Variants in COL25A1 observed in about 807,000 individuals in gnomAD.
COL25A1 encodes collagen type XXV alpha 1 chain.
A neutral mutation model predicts 128.4 loss-of-function variants in COL25A1; 103 were observed. The ratio of observed to expected loss-of-function variants is 0.80; its 90% CI spans 0.68 to 0.94. The LOEUF (loss-of-function observed/expected upper bound fraction) is 0.94, where lower values mean the gene tolerates loss of function less well. COL25A1 is among the 40% of genes least tolerant of loss of function. The pLI is 0.00. For synonymous variants in COL25A1, 279 were observed against 277.2 expected (o/e 1.01, Z -0.06); for missense variants, 745 against 840.0 (o/e 0.89, Z 1.40).
intron 5 of COL25A1, among the ~76,000 whole-genome samples, chr4:109,011,958 A>C (rs1045199221): frequency 1.3e-5 from 2 of 152,262 alleles, no homozygotes; most frequent in African/African-American, 2.4e-5. Context: ...TGAGGGTAAT[A>C]GCTCTAAAAT....
chr4:108,873,767 G>A lies in COL25A1; in HGVS notation c.1021-4617C>T, dbSNP rs372354018. On this transcript the variant is annotated intron_variant, in intron 19 of 37. Transcript: ENST00000399132. ...TATGAGACAATATCCATCTGCCAGA[G>A]CAGTTGAGATTGCAAAACCAAAAGA... Among the ~76,000 whole-genome samples the A allele has an allele frequency of 2.6e-4, 39 of 152,264 alleles. No individual in the cohort carries two copies. The South Asian group carries it at 7.9e-3, about 31-fold the overall frequency.
chr4:108,909,474 A>G (rs1038477324), intron 13 of COL25A1, among the ~76,000 whole-genome samples: 18 of 152,164 alleles, frequency 1.2e-4, no homozygotes, highest in African/African-American at 4.3e-4. Context: ...AAAATTACAC[A>G]TGTCTAAAAA....
intron 3 of COL25A1, among the ~76,000 whole-genome samples, chr4:109,175,466 C>G (rs370201412): frequency 1.4e-4 from 21 of 152,234 alleles, no homozygotes; most frequent in South Asian, 1.0e-3. Flanking sequence ...TATTGGGGAA[C>G]TACACAGCAT....
At chr4:109,126,076 G>T (rs1431668120) in intron 3 of COL25A1, among the ~76,000 whole-genome samples, 1 of 152,058 alleles carries the variant, frequency 6.6e-6, no homozygotes, top group African/African-American at 2.4e-5. Context: ...AATATTTTTT[G>T]TAGGAAGAAA....
intron 3 of COL25A1, among the ~76,000 whole-genome samples, chr4:109,176,727 A>C (rs1774142622): frequency 6.6e-6 from 1 of 152,190 alleles, no homozygotes; most frequent in Non-Finnish European, 1.5e-5. Flanking sequence ...ATCATTCTGG[A>C]TTAACCAGGT....
intron 16 of COL25A1, among the ~76,000 whole-genome samples, chr4:108,892,640 A>AT: frequency 6.6e-6 from 1 of 152,222 alleles, no homozygotes; most frequent in Middle Eastern, 3.4e-3. Flanking sequence ...AAGGTAATTC[A>AT]TTTTTTTCTT....
At chr4:108,861,018 C>G in intron 22 of COL25A1, 47 bp from the exon 23 acceptor site, 1 of 1,523,434 alleles carries the variant, frequency 6.6e-7, no homozygotes, top group South Asian at 1.1e-5. Flanking sequence ...GTGGGGGAAT[C>G]TAGAAATCTC....
chr4:109,214,334 G>A (rs1034752), intron 3 of COL25A1, among the ~76,000 whole-genome samples: 1,841 of 152,050 alleles, frequency 0.012, 41 homozygotes, highest in African/African-American at 0.042. Context: ...ACATCTAGAG[G>A]CCATATAGAC....
At chr4:108,843,412 T>G (rs1285461059) in intron 30 of COL25A1, among the ~76,000 whole-genome samples, 1 of 152,174 alleles carries the variant, frequency 6.6e-6, no homozygotes, top group Non-Finnish European at 1.5e-5. Flanking sequence ...GAGACACATG[T>G]GACCTTCTAG....
At chr4:109,087,594 CACTTCAGGTT>C (rs1764528418) in intron 3 of COL25A1, among the ~76,000 whole-genome samples, 1 of 152,200 alleles carries the variant, frequency 6.6e-6, no homozygotes. Context: ...TATTGAACCA[CACTTCAGGTT>C]TATTAGAAAC....
At chr4:109,207,508 C>T (rs1217040698) in intron 3 of COL25A1, among the ~76,000 whole-genome samples, 1 of 152,148 alleles carries the variant, frequency 6.6e-6, no homozygotes, top group Non-Finnish European at 1.5e-5. Context: ...AGATATAGCT[C>T]GGGTGTTGAA....
At chr4:109,178,381 T>G (rs371646119) in intron 3 of COL25A1, among the ~76,000 whole-genome samples, 5 of 152,320 alleles carry the variant, frequency 3.3e-5, no homozygotes, top group South Asian at 4.1e-4. Flanking sequence ...GCCAGATTTT[T>G]CCATCCAGTG....
At chr4:109,141,827 T>C (rs1306096884) in intron 3 of COL25A1, among the ~76,000 whole-genome samples, 1 of 152,210 alleles carries the variant, frequency 6.6e-6, no homozygotes, top group Admixed American at 6.5e-5. Flanking sequence ...TATCTTTTCT[T>C]CTTTATTAGT....
chr4:109,134,096 G>GA (rs1419155687), intron 3 of COL25A1, among the ~76,000 whole-genome samples: 16 of 149,916 alleles, frequency 1.1e-4, no homozygotes, highest in Admixed American at 9.3e-4. Context: ...ATGAAGATGA[G>GA]AAAAAAAACG....
At chr4:108,856,322 T>A (rs1033717294) in intron 24 of COL25A1, among the ~76,000 whole-genome samples, 1 of 152,152 alleles carries the variant, frequency 6.6e-6, no homozygotes, top group African/African-American at 2.4e-5. Context: ...TTTATGTAAA[T>A]CACAATCTTC....
intron 3 of COL25A1, among the ~76,000 whole-genome samples, chr4:109,117,832 T>C (rs1203471427): frequency 6.6e-6 from 1 of 151,902 alleles, no homozygotes; most frequent in East Asian, 1.9e-4. Flanking sequence ...GTGTAGTGTA[T>C]TTAGAAAGTG....
intron 6 of COL25A1, among the ~76,000 whole-genome samples, chr4:108,999,714 C>T (rs1271227695): frequency 6.6e-6 from 1 of 152,162 alleles, no homozygotes; most frequent in African/African-American, 2.4e-5. Flanking sequence ...TTGGACCCAA[C>T]ACAAATGTCC....
chr4:109,025,730 G>GA, intron 5 of COL25A1, among the ~76,000 whole-genome samples: 1 of 152,286 alleles, frequency 6.6e-6, no homozygotes, highest in African/African-American at 2.4e-5. Flanking sequence ...GTTTGTGGCT[G>GA]AATCGTAATA....
chr4:108,944,756 T>C (rs1362938870), intron 8 of COL25A1, among the ~76,000 whole-genome samples: 2 of 152,130 alleles, frequency 1.3e-5, no homozygotes, highest in Non-Finnish European at 2.9e-5. Flanking sequence ...TAATGAGATC[T>C]AAAGAGAGAA....
Sources: gnomAD v4.1 joint callset for allele counts (sites outside exome capture counted in the v4.1 genomes callset) on GRCh38, gnomAD v4.1.1 for gene constraint, MANE v1.5 for transcripts, NCBI Gene and HGNC (gene_info 2026-07-23, HGNC 2026-07-21) for gene names.